ESRRG: variants seen among roughly 807,000 people sequenced by gnomAD.
ESRRG encodes estrogen-related receptor gamma.
A neutral mutation model predicts 44.0 loss-of-function variants in ESRRG; 13 were observed. The observed-to-expected ratio is 0.30, with a 90% CI of 0.19 to 0.47. ESRRG has a LOEUF of 0.47. ESRRG is among the 20% of genes least tolerant of loss of function. The pLI, the probability that ESRRG is intolerant of heterozygous loss-of-function variation, is 1.00. For missense variants in ESRRG, 395 were observed against 580.6 expected, an observed-to-expected ratio of 0.68 and a Z score of 3.29; for synonymous variants, 215 against 214.6, an observed-to-expected ratio of 1.00 and a Z score of -0.02.
intron 1 of ESRRG, among the ~76,000 whole-genome samples, chr1:217,052,030 T>C (rs1156585016): frequency 1.3e-5 from 2 of 152,134 alleles, no homozygotes; most frequent in Non-Finnish European, 2.9e-5. Flanking sequence ...CTCAGCCTGC[T>C]AAGTTGCCCA....
chr1:216,589,903 C>CAAAAAAAAAAAAA (rs58458686), intron 3 of ESRRG, among the ~76,000 whole-genome samples: 1 of 32,238 alleles, frequency 3.1e-5, no homozygotes, highest in African/African-American at 1.4e-4. Flanking sequence ...AACTCTGTCT[C>CAAAAAAAAAAAAA]AAAAAAAAAA....
chr1:216,524,673 T>C (rs1447927706), intron 5 of ESRRG, among the ~76,000 whole-genome samples: 1 of 152,174 alleles, frequency 6.6e-6, no homozygotes, highest in Non-Finnish European at 1.5e-5. Context: ...TATTTCTTTA[T>C]CTCTGTTTTT....
At chr1:216,581,546 A>G (rs1056236473) in intron 3 of ESRRG, among the ~76,000 whole-genome samples, 6 of 152,178 alleles carry the variant, frequency 3.9e-5, no homozygotes, top group African/African-American at 1.4e-4. Flanking sequence ...ATGAGTTTAC[A>G]TTAGCATTTA....
chr1:217,067,894 A>G (rs2089991034), intron 1 of ESRRG, among the ~76,000 whole-genome samples: 2 of 152,234 alleles, frequency 1.3e-5, no homozygotes, highest in Admixed American at 6.5e-5. Flanking sequence ...CAAAGTATCA[A>G]GCCAATTCCC....
At position 216,570,001 on chromosome 1, in the gene ESRRG, G is replaced by T. The variant is rs190034928; in HGVS notation, c.590-1903C>A. On this transcript the variant is annotated intron_variant, in intron 3 of 6. Transcript: ENST00000408911. ...TTATCTGAGTTACATGAAACGATTT[G>T]GGAAAAGCAGATCTATTTCTATGTG... is the stretch of plus-strand genomic sequence containing the variant. Among the ~76,000 whole-genome samples, 3 of 152,146 alleles carry T rather than the reference G, an allele frequency of 2.0e-5. No individual in the cohort carries two copies. In the East Asian group the frequency reaches 5.8e-4, roughly 29 times the overall value.
chr1:216,614,343 C>CT (rs397716385), intron 3 of ESRRG, among the ~76,000 whole-genome samples: 93,592 of 149,770 alleles, frequency 0.62, 29,103 homozygotes, highest in African/African-American at 0.67. Context: ...TCCTCTTTCT[C>CT]TTTTTTTTTT....
intron 3 of ESRRG, among the ~76,000 whole-genome samples, chr1:216,570,181 T>A (rs1446132555): frequency 6.6e-6 from 1 of 152,200 alleles, no homozygotes; most frequent in Non-Finnish European, 1.5e-5. Context: ...CATATTGAAG[T>A]ATCAGAATAT....
chr1:216,906,959 T>C (rs747643598), intron 2 of ESRRG, among the ~76,000 whole-genome samples: 46 of 152,358 alleles, frequency 3.0e-4, no homozygotes, highest in Non-Finnish European at 6.5e-4. Flanking sequence ...TTGATAACTG[T>C]CTGCACATGT....
At chr1:216,718,279 T>A (rs895705358) in intron 1 of ESRRG, among the ~76,000 whole-genome samples, 1 of 151,922 alleles carries the variant, frequency 6.6e-6, no homozygotes, top group Non-Finnish European at 1.5e-5. Flanking sequence ...TTTAGCAGCA[T>A]ACCTATAATC....
chr1:216,513,212 TAAA>T (rs1250915845), intron 6 of ESRRG, among the ~76,000 whole-genome samples: 2 of 152,126 alleles, frequency 1.3e-5, no homozygotes, highest in Admixed American at 1.3e-4. Flanking sequence ...ATGATATAGA[TAAA>T]AAGAGAGAGA....
rs560330036 is a variant in ESRRG, at chr1:216,832,718, C to G, written c.-14+106864G>C. 3.3e-5 allele frequency among the ~76,000 whole-genome samples: 5 copies of G among 152,260 alleles called. No individual in the cohort carries two copies. The South Asian group carries it at 1.0e-3, about 32-fold the overall frequency. ...GTGGCTCATGCCGGTAATACTAACA[C>G]TTTGGGAGGCCAAGGCAGGTGGATC... is the stretch of plus-strand genomic sequence containing the variant. On this transcript the variant is annotated intron_variant, in intron 2 of 7. Coordinates refer to the ESRRG transcript ENST00000359162.
intron 1 of ESRRG, among the ~76,000 whole-genome samples, chr1:217,103,987 C>T (rs1387861505): frequency 6.6e-6 from 1 of 152,156 alleles, no homozygotes; most frequent in South Asian, 2.1e-4. Flanking sequence ...ATCAACCTCA[C>T]TTGGCTTATT....
At chr1:217,089,123 TC>T (rs2092273177) in intron 1 of ESRRG, among the ~76,000 whole-genome samples, 1 of 151,994 alleles carries the variant, frequency 6.6e-6, no homozygotes, top group African/African-American at 2.4e-5. Context: ...CCATATCCCC[TC>T]ACCCTAACCC....
chr1:216,506,462 AGGGAAAAGGAAAG>A lies in ESRRG; in HGVS notation c.*464_*476del. 1 of 335,736 alleles carries A rather than the reference AGGGAAAAGGAAAG, an allele frequency of 3.0e-6. No individual in the cohort carries two copies. 20.8% of individuals were successfully genotyped at this position (335,736 alleles called of 1,614,324 possible). ...GAAGGTCAAGAGGAAAGGAAAGGAA[AGGGAAAAGGAAAG>A]GGAAAAAGGAAAGAAAGGGAAAGGA... On this transcript the variant is annotated 3_prime_UTR_variant, in exon 7 of 7. Coordinates refer to ENST00000408911, the MANE Select transcript of ESRRG (RefSeq NM_001438.4).
chr1:216,557,381 A>G (rs951299086), intron 5 of ESRRG, among the ~76,000 whole-genome samples: 1 of 152,162 alleles, frequency 6.6e-6, no homozygotes, highest in Non-Finnish European at 1.5e-5. Context: ...AAAAGCAGAC[A>G]AGGAATGAAA....
Position 216,909,761 on chromosome 1 carries a change from G to A in ESRRG, c.-14+29821C>T, listed in dbSNP as rs968583375. Reference sequence around the variant, plus strand: ...AGGCACCCAATATATTAGGCACGTAGTAAATGTTATCAGAACCACTATTTG... The same window carrying A: ...AGGCACCCAATATATTAGGCACGTAATAAATGTTATCAGAACCACTATTTG... On this transcript the variant is annotated intron_variant, in intron 2 of 7. Transcript: ENST00000359162. Among the ~76,000 whole-genome samples, 9 of 152,296 alleles carry A rather than the reference G, an allele frequency of 5.9e-5. No homozygotes were observed. The East Asian group carries it at 1.2e-3, about 20-fold the overall frequency.
intron 2 of ESRRG, among the ~76,000 whole-genome samples, chr1:216,813,206 C>G (rs1341781141): frequency 2.0e-5 from 3 of 152,132 alleles, no homozygotes; most frequent in Non-Finnish European, 4.4e-5. Flanking sequence ...GTGATATGAT[C>G]AGCTACAAGT....
At chr1:216,840,963 A>T (rs1203468938) in intron 2 of ESRRG, among the ~76,000 whole-genome samples, 1 of 152,102 alleles carries the variant, frequency 6.6e-6, no homozygotes, top group African/African-American at 2.4e-5. Flanking sequence ...AATTACCACA[A>T]TGTGACACAA....
intron 2 of ESRRG, among the ~76,000 whole-genome samples, chr1:216,743,654 G>GTCATCATCA (rs149123678): frequency 1.3e-4 from 19 of 151,920 alleles, no homozygotes; most frequent in Admixed American, 7.9e-4. Flanking sequence ...CTTCACTGTT[G>GTCATCATCA]TCATCATCAT....
Sources: allele counts gnomAD v4.1 joint callset (sites outside exome capture counted in the v4.1 genomes callset), GRCh38; gene constraint gnomAD v4.1.1; transcripts MANE v1.5; gene names NCBI Gene and HGNC (gene_info 2026-07-23, HGNC 2026-07-21).